FANCD2: variants seen among roughly 807,000 people sequenced by gnomAD.
The protein encoded by FANCD2 is FA complementation group D2.
FANCD2 carries 131 observed loss-of-function variants against 192.3 expected under a neutral mutation model. The ratio of observed to expected loss-of-function variants is 0.68; its 90% confidence interval spans 0.59 to 0.79. The LOEUF (loss-of-function observed/expected upper bound fraction) is 0.79, where lower values mean the gene tolerates loss of function less well. FANCD2 is among the 30% of genes least tolerant of loss of function. FANCD2 has a pLI of 0.00. For synonymous variants in FANCD2, 524 were observed against 612.5 expected (o/e 0.86, Z 2.13); for missense variants, 1,508 against 1,701.6 (o/e 0.89, Z 2.00).
intron 18 of FANCD2, among the ~76,000 whole-genome samples, chr3:10,055,524 C>T (rs1403917868): frequency 1.3e-5 from 2 of 151,986 alleles, no homozygotes; most frequent in African/African-American, 4.8e-5. Context: ...ATAATAATTC[C>T]ATTCTTGGCC....
intron 26 of FANCD2, among the ~76,000 whole-genome samples, chr3:10,071,660 G>A (rs1466231138): frequency 6.6e-6 from 1 of 152,196 alleles, no homozygotes; most frequent in Admixed American, 6.5e-5. Context: ...TAGAAGTATG[G>A]TTACCAGAGG....
chr3:10,089,048 T>G, intron 36 of FANCD2, 98 bp downstream of exon 36: 1 of 1,363,958 alleles, frequency 7.3e-7, no homozygotes, highest in Non-Finnish European at 1.0e-6. Flanking sequence ...TTTGGGAGGC[T>G]GAGGCAGGAG....
chr3:10,060,038 G>C (rs1319363350), intron 18 of FANCD2, among the ~76,000 whole-genome samples: 1 of 151,858 alleles, frequency 6.6e-6, no homozygotes, highest in Admixed American at 6.6e-5. Context: ...ATGGTGGCGG[G>C]TGCCTGTAAT....
chr3:10,029,944 C>T (rs907312638), intron 2 of FANCD2, among the ~76,000 whole-genome samples: 7 of 151,340 alleles, frequency 4.6e-5, no homozygotes, highest in Non-Finnish European at 8.8e-5. Flanking sequence ...CCACCATGCC[C>T]GGCTGATTTT....
intron 26 of FANCD2, among the ~76,000 whole-genome samples, chr3:10,068,333 G>A (rs1048204834): frequency 3.3e-5 from 5 of 152,088 alleles, no homozygotes; most frequent in African/African-American, 1.2e-4. Flanking sequence ...ATTTCTGTAT[G>A]CCAACAACTA....
chr3:10,046,073 G>A (rs1409567499), intron 14 of FANCD2, among the ~76,000 whole-genome samples: 7 of 86,752 alleles, frequency 8.1e-5, no homozygotes, highest in African/African-American at 4.6e-4. Flanking sequence ...TTTTTTTTGA[G>A]AATGGAATCT....
In FANCD2 at chr3:10,065,386, C is replaced by T. The variant is rs2125036336; in HGVS notation, c.2169-8C>T. On this transcript the variant is annotated splice_polypyrimidine_tract_variant and splice_region_variant and intron_variant, in intron 23 of 43. Transcript: ENST00000675286. ...AGTGTGGTCTAGAAATTTATTTCTC[C>T]TTCTCAGATTGGTGTCTCCGCTGTG... is the stretch of plus-strand genomic sequence containing the variant. 1.3e-6 allele frequency: 2 copies of T among 1,595,984 alleles called. No homozygotes were observed. The highest frequency in any genetic ancestry group is 2.2e-5 in the South Asian group (2 of 90,700).
intron 13 of FANCD2, 81 bp from the exon 14 acceptor site, chr3:10,043,748 A>G (rs2086925671): frequency 7.7e-7 from 1 of 1,290,622 alleles, no homozygotes; most frequent in South Asian, 1.2e-5. Flanking sequence ...CTTAGATGAG[A>G]TAACAGGGCA....
At chr3:10,040,715 T>A (rs9813284) in intron 9 of FANCD2, 5,001 of 361,564 alleles carry the variant, frequency 0.014, 258 homozygotes, top group African/African-American at 0.099. Context: ...GTATTTTTTT[T>A]AAATTCAGTT....
intron 17 of FANCD2, among the ~76,000 whole-genome samples, chr3:10,050,854 A>G (rs904635696): frequency 6.6e-6 from 1 of 152,028 alleles, no homozygotes; most frequent in Admixed American, 6.6e-5. Flanking sequence ...TGGGAGGCCG[A>G]GGCGGACGGA....
intron 37 of FANCD2, 34 bp from the exon 38 acceptor site, chr3:10,092,147 G>C (rs1694651650): frequency 6.9e-7 from 1 of 1,440,896 alleles, no homozygotes; most frequent in South Asian, 1.1e-5. Context: ...ATTTGGCTGT[G>C]ACTCAGAGGT....
Position 10,064,722 on chromosome 3 carries a change from T to A in FANCD2, c.2022-7T>A. The A allele has an allele frequency of 6.2e-7, 1 of 1,614,108 alleles. No individual in the cohort carries two copies. On this transcript the variant is annotated splice_region_variant and splice_polypyrimidine_tract_variant and intron_variant, in intron 22 of 43. Coordinates refer to ENST00000675286, the MANE Select transcript of FANCD2 (RefSeq NM_001018115.3). ...CTGCAACATCAGATTCTGGTTTTTC[T>A]CCGCAGTGACTTTCCATTTCCTGTG...
At chr3:10,096,243 T>C in intron 41 of FANCD2, 83 bp from the exon 42 acceptor site, 7 of 1,440,126 alleles carry the variant, frequency 4.9e-6, no homozygotes, top group Non-Finnish European at 6.8e-6. Context: ...TGTGTTCTTA[T>C]TCAACATTCA....
At chr3:10,049,002 C>G in intron 16 of FANCD2, among the ~76,000 whole-genome samples, 1 of 151,858 alleles carries the variant, frequency 6.6e-6, no homozygotes, top group Admixed American at 6.6e-5. Context: ...ACCTTTAAAG[C>G]TTTTAGCTCC....
In FANCD2 at chr3:10,050,871, G is replaced by C. The variant is rs1302867477; in HGVS notation, c.1545+1366G>C. Among the ~76,000 whole-genome samples the C allele has an allele frequency of 2.6e-5, 4 of 151,942 alleles. No individual in the cohort carries two copies. In the East Asian group the frequency reaches 7.7e-4, roughly 29 times the overall value. Reference sequence around the variant, plus strand: ...GGAGGCCGAGGCGGACGGATCACCTGAGGTTGGGAGTTCGAATCAGCCTGA... The same window carrying C: ...GGAGGCCGAGGCGGACGGATCACCTCAGGTTGGGAGTTCGAATCAGCCTGA... On this transcript the variant is annotated intron_variant, in intron 17 of 43. Transcript: ENST00000675286.
chr3:10,035,309 C>G, intron 6 of FANCD2, 76 bp downstream of exon 6: 2 of 1,275,540 alleles, frequency 1.6e-6, no homozygotes, highest in South Asian at 2.4e-5. Flanking sequence ...ATAGCGGGAA[C>G]ACAGGATAGA....
intron 29 of FANCD2, 43 bp downstream of exon 29, chr3:10,074,716 A>G (rs1193830196): frequency 6.3e-7 from 1 of 1,594,104 alleles, no homozygotes; most frequent in East Asian, 2.2e-5. Context: ...CTTCTTTCAG[A>G]AAGTTCCTCA....
At chr3:10,055,450 G>A (rs2087380290) in intron 18 of FANCD2, among the ~76,000 whole-genome samples, 1 of 151,928 alleles carries the variant, frequency 6.6e-6, no homozygotes, top group Non-Finnish European at 1.5e-5. Flanking sequence ...ATTTCACTTA[G>A]CATAATATTT....
intron 39 of FANCD2, among the ~76,000 whole-genome samples, chr3:10,093,995 C>T (rs1163616809): frequency 1.3e-5 from 2 of 152,186 alleles, no homozygotes; most frequent in Non-Finnish European, 2.9e-5. Context: ...AAGTTATCCT[C>T]AGATAGAGCT....
Sources: allele counts gnomAD v4.1 joint callset (sites outside exome capture counted in the v4.1 genomes callset), GRCh38; gene constraint gnomAD v4.1.1; transcripts MANE v1.5; gene names NCBI Gene and HGNC (gene_info 2026-07-23, HGNC 2026-07-21).